The following DNAJC17 variants were observed in gnomAD, a reference collection of about 807,000 sequenced individuals.
DNAJC17 encodes dnaJ homolog subfamily C member 17.
A neutral mutation model predicts 48.1 loss-of-function variants in DNAJC17; 35 were observed. The ratio of observed to expected loss-of-function variants is 0.73; its 90% confidence interval spans 0.56 to 0.96. The LOEUF (loss-of-function observed/expected upper bound fraction) is 0.96. DNAJC17 is among the 50% of genes least tolerant of loss of function. The pLI is 0.00. For missense variants in DNAJC17, 355 were observed against 377.1 expected (o/e 0.94, Z 0.48); for synonymous variants, 117 against 142.7 (o/e 0.82, Z 1.28).
rs1216881724 is a variant in DNAJC17 at position 40,779,922 on chromosome 15, T to C, written c.148+6A>G. 1 of 1,613,320 alleles carries C rather than the reference T, an allele frequency of 6.2e-7. No individual in the cohort carries two copies. The highest frequency in any genetic ancestry group is 8.5e-7 in the Non-Finnish European group (1 of 1,179,764). On this transcript the variant is annotated splice_donor_region_variant and intron_variant, in intron 2 of 10. Coordinates refer to ENST00000220496, the MANE Select transcript of DNAJC17 (RefSeq NM_018163.3). Reference sequence around the variant, plus strand: ...CTTTCTCCCCACGCCCTGAGAAGAGTCTCACCTGCTCTGGGATTATCTGGA... The same window carrying C: ...CTTTCTCCCCACGCCCTGAGAAGAGCCTCACCTGCTCTGGGATTATCTGGA...
intron 1 of DNAJC17, among the ~76,000 whole-genome samples, chr15:40,782,985 C>T (rs1889545168): frequency 6.6e-6 from 1 of 152,172 alleles, no homozygotes; most frequent in Non-Finnish European, 1.5e-5. Flanking sequence ...TGCTCACCTC[C>T]CACCCTAACC....
chr15:40,793,511 G>T (rs865821104), intron 1 of DNAJC17, among the ~76,000 whole-genome samples: 1 of 152,012 alleles, frequency 6.6e-6, no homozygotes, highest in Non-Finnish European at 1.5e-5. Flanking sequence ...TGTTCTACTT[G>T]ATCCTCCACC....
At chr15:40,794,733 T>A (rs1372189689) in intron 1 of DNAJC17, among the ~76,000 whole-genome samples, 4 of 152,170 alleles carry the variant, frequency 2.6e-5, no homozygotes, top group African/African-American at 4.8e-5. Context: ...TTATTTATTT[T>A]TTGAGACGGA....
At chr15:40,804,395 T>C (rs986979412) in intron 1 of DNAJC17, among the ~76,000 whole-genome samples, 6 of 149,898 alleles carry the variant, frequency 4.0e-5, no homozygotes, top group African/African-American at 1.2e-4. Context: ...CTGGGCAATA[T>C]AGCTGGACCC....
chr15:40,766,887 G>T lies in DNAJC17; in HGVS notation c.*1053C>A, dbSNP rs146608808. 6 of 176,502 alleles carry T rather than the reference G, an allele frequency of 3.4e-5. No homozygotes were observed. The East Asian group carries it at 8.7e-4, about 26-fold the overall frequency. The allele number at this position is 176,502 out of a possible 1,614,324, so 10.9% of individuals were successfully genotyped here. Reference sequence around the variant, plus strand: ...TCCTCCTACCTGGAAGCCTGGGTGGGGAGCAAGCCCAGGGAGGGCGGCAGC... The same window carrying T: ...TCCTCCTACCTGGAAGCCTGGGTGGTGAGCAAGCCCAGGGAGGGCGGCAGC... On this transcript the variant is annotated 3_prime_UTR_variant, in exon 11 of 11. Transcript: ENST00000220496.
At chr15:40,779,063 A>C (rs1450928435) in intron 4 of DNAJC17, 160 bp downstream of exon 4, 2 of 715,806 alleles carry the variant, frequency 2.8e-6, no homozygotes, top group Admixed American at 2.0e-5. Context: ...ATTATTCCTA[A>C]GAGTGTCTTT....
Position 40,770,717 on chromosome 15 carries a change from C to T in DNAJC17, c.793-2655G>A. On this transcript the variant is annotated intron_variant, in intron 10 of 10. Transcript: ENST00000220496. This position sits in a 1 kb window ranked among gnomAD's most constrained non-coding sequence, Gnocchi z 5.0. ...TGTGGGGGGACGAGCAGCCCCGGGC[C>T]ACCCTGCTGGCCCCACCCAAGCCCC... 1.3e-6 allele frequency: 2 copies of T among 1,546,310 alleles called. No homozygotes were observed. The highest frequency in any genetic ancestry group is 8.7e-7 in the Non-Finnish European group (1 of 1,146,902).
intron 1 of DNAJC17, chr15:40,806,979 G>A: frequency 2.4e-6 from 1 of 417,072 alleles, no homozygotes; most frequent in South Asian, 3.5e-5. Context: ...GGCTCTTAGT[G>A]GAAGAATTAA....
intron 1 of DNAJC17, among the ~76,000 whole-genome samples, chr15:40,791,106 G>C (rs751824459): frequency 2.6e-5 from 4 of 152,308 alleles, no homozygotes; most frequent in Non-Finnish European, 5.9e-5. Context: ...TGGAGGCCAA[G>C]GTGGGAGGAT....
chr15:40,779,394 C>T (rs558823964), intron 3 of DNAJC17, 84 bp from the exon 4 acceptor site: 13 of 1,566,958 alleles, frequency 8.3e-6, no homozygotes, highest in Admixed American at 6.8e-5. Flanking sequence ...CCCTAGCCCA[C>T]GAGCCATCAG....
intron 1 of DNAJC17, among the ~76,000 whole-genome samples, chr15:40,784,775 TC>T (rs1889597172): frequency 6.6e-6 from 1 of 151,980 alleles, no homozygotes; most frequent in Non-Finnish European, 1.5e-5. Flanking sequence ...AGGACTTTCA[TC>T]CCCAACAGAT....
Position 40,770,700 on chromosome 15 carries a change from G to A in DNAJC17, c.793-2638C>T, listed in dbSNP as rs1348502745. The stretch of plus-strand genomic sequence containing the variant: ...TGGCCGGCGCCTGCCACTGTGGGGG[G>A]ACGAGCAGCCCCGGGCCACCCTGCT... On this transcript the variant is annotated intron_variant, in intron 10 of 10. Transcript: ENST00000220496. The surrounding 1 kb of genome is among the most constrained non-coding windows in gnomAD (Gnocchi z 5.0). The A allele has an allele frequency of 8.4e-6, 13 of 1,547,494 alleles. No individual in the cohort carries two copies. The South Asian group carries it at 9.5e-5, about 11-fold the overall frequency.
chr15:40,788,517 A>G (rs1889704944), intron 1 of DNAJC17, among the ~76,000 whole-genome samples: 1 of 152,146 alleles, frequency 6.6e-6, no homozygotes, highest in Non-Finnish European at 1.5e-5. Context: ...TAACACGGTG[A>G]AACCCCGTCT....
At chr15:40,775,712 A>T in intron 6 of DNAJC17, 116 bp from the exon 7 acceptor site, 1 of 1,030,256 alleles carries the variant, frequency 9.7e-7, no homozygotes, top group South Asian at 1.4e-5. Context: ...ACCAAGGGCA[A>T]TGCCTGCCCA....
intron 1 of DNAJC17, among the ~76,000 whole-genome samples, chr15:40,803,745 G>A (rs1466601788): frequency 3.4e-5 from 5 of 147,114 alleles, no homozygotes; most frequent in African/African-American, 1.1e-4. Context: ...CCTTGTATGC[G>A]TGAATCTTGC....
chr15:40,807,142 C>A lies in DNAJC17; in HGVS notation c.78+227G>T, dbSNP rs1188753832. ...TAGGAGACAGGGGCCACGGGGAGAG[C>A]ACAGCCACCCGGCGCGAAGAGCCCT... On this transcript the variant is annotated intron_variant, in intron 1 of 10. Coordinates refer to ENST00000220496, the MANE Select transcript of DNAJC17 (RefSeq NM_018163.3). The A allele has an allele frequency of 2.7e-6, 3 of 1,121,760 alleles. No individual in the cohort carries two copies. In the African/African-American group the frequency reaches 4.7e-5, roughly 18 times the overall value. 69.5% of individuals were successfully genotyped at this position (1,121,760 alleles called of 1,614,324 possible).
At chr15:40,792,724 AC>A (rs151069495) in intron 1 of DNAJC17, among the ~76,000 whole-genome samples, 3 of 152,012 alleles carry the variant, frequency 2.0e-5, no homozygotes, top group African/African-American at 7.2e-5. Flanking sequence ...ACAGAGTGAG[AC>A]CCCCAGAAAT....
intron 1 of DNAJC17, among the ~76,000 whole-genome samples, chr15:40,797,095 G>A (rs1236873238): frequency 6.6e-6 from 1 of 152,030 alleles, no homozygotes; most frequent in Non-Finnish European, 1.5e-5. Context: ...CTCTGCCAGG[G>A]ATCGTAGCTC....
intron 2 of DNAJC17, 152 bp downstream of exon 2, chr15:40,779,776 C>G: frequency 9.2e-7 from 1 of 1,092,630 alleles, no homozygotes; most frequent in Non-Finnish European, 1.3e-6. Context: ...TGACCAGACA[C>G]CCCTCACAGG....
Sources: allele counts gnomAD v4.1 joint callset (sites outside exome capture counted in the v4.1 genomes callset), GRCh38; gene constraint gnomAD v4.1.1; non-coding constraint Gnocchi (gnomAD v3.1); transcripts MANE v1.5; gene names NCBI Gene and HGNC (gene_info 2026-07-23, HGNC 2026-07-21).